Variants in ANO1 observed in about 807,000 individuals in gnomAD.
ANO1 encodes anoctamin 1.
ANO1 carries 59 observed loss-of-function variants against 124.0 expected under a neutral mutation model. The observed-to-expected ratio is 0.48, with a 90% CI of 0.39 to 0.59. The LOEUF (loss-of-function observed/expected upper bound fraction) is 0.59, where lower values mean the gene tolerates loss of function less well. Among genes scored for constraint, ANO1 ranks in the 20% least tolerant of loss-of-function variants. The pLI, the probability that ANO1 is intolerant of heterozygous loss-of-function variation, is 0.00. For missense variants in ANO1, 1,059 were observed against 1,328.0 expected (o/e 0.80, Z 3.15); for synonymous variants, 529 against 532.0 (o/e 0.99, Z 0.08).
chr11:70,047,800 A>G (rs2135072851), intron 1 of ANO1, among the ~76,000 whole-genome samples: 1 of 152,336 alleles, frequency 6.6e-6, no homozygotes, highest in Non-Finnish European at 1.5e-5. Context: ...TGCCTTTTTT[A>G]CCTGAGACAG....
chr11:70,140,774 G>A (rs1387262308), intron 11 of ANO1, among the ~76,000 whole-genome samples: 7 of 152,198 alleles, frequency 4.6e-5, no homozygotes, highest in South Asian at 2.1e-4. Context: ...TCTCTAAAGC[G>A]AAATTAGGAA....
At chr11:70,076,887 T>C (rs548407471), upstream of ANO1, among the ~76,000 whole-genome samples, 2 of 152,254 alleles carry the variant, frequency 1.3e-5, no homozygotes, top group African/African-American at 4.8e-5. Context: ...ACATTAGTAG[T>C]GACAACAGTC....
upstream of ANO1, among the ~76,000 whole-genome samples, chr11:69,981,017 A>G (rs148127994): frequency 0.013 from 2,056 of 152,302 alleles, 25 homozygotes; most frequent in Non-Finnish European, 0.018. Context: ...ATGTCATTGC[A>G]CTCCAGCCTG....
intron 10 of ANO1, among the ~76,000 whole-genome samples, 191 bp downstream of exon 10, chr11:70,126,386 T>G (rs561590340): frequency 2.0e-5 from 3 of 152,358 alleles, no homozygotes; most frequent in African/African-American, 7.2e-5. Context: ...GGAGTCCTTC[T>G]CAGGCCCATC....
At chr11:70,177,668 C>G (rs1215403465) in intron 22 of ANO1, among the ~76,000 whole-genome samples, 1 of 133,638 alleles carries the variant, frequency 7.5e-6, no homozygotes, top group Non-Finnish European at 1.5e-5. Context: ...GGCGCGATCT[C>G]GGCTCACTGC....
Position 70,185,614 on chromosome 11 carries a change from G to A in ANO1, c.2613G>A (p.Pro871=), listed in dbSNP as rs752920987. 3.1e-5 allele frequency: 50 copies of A among 1,613,852 alleles called. No homozygotes were observed. The East Asian group carries it at 6.7e-4, about 22-fold the overall frequency. The part of the protein sequence containing the change: ...ICRYKDYREP[P]WSENKYDISK... Reference sequence around the variant, plus strand: ...GGTATAAAGACTACCGAGAGCCGCCGTGGTCGGAAAACAAGTACGACATCT... The same window carrying A: ...GGTATAAAGACTACCGAGAGCCGCCATGGTCGGAAAACAAGTACGACATCT... Residue 871 remains proline (P), a synonymous_variant, in exon 25 of 26, where the codon CCG becomes CCA. Coordinates refer to ENST00000355303, the MANE Select transcript of ANO1 (RefSeq NM_018043.7).
At chr11:70,054,757 G>A (rs1337418940) in intron 1 of ANO1, among the ~76,000 whole-genome samples, 5 of 152,060 alleles carry the variant, frequency 3.3e-5, no homozygotes, top group Admixed American at 3.3e-4. Flanking sequence ...TAAATTGTTG[G>A]TTTCTGTTCT....
chr11:70,177,594 C>CCT (rs2048760267), intron 22 of ANO1, among the ~76,000 whole-genome samples: 1 of 78,930 alleles, frequency 1.3e-5, no homozygotes, highest in East Asian at 4.1e-4. Flanking sequence ...TTTTTTTTTT[C>CCT]TTTTTTTTTT....
At chr11:70,096,491 C>T (rs919246892) in intron 2 of ANO1, among the ~76,000 whole-genome samples, 1 of 152,190 alleles carries the variant, frequency 6.6e-6, no homozygotes, top group Non-Finnish European at 1.5e-5. Flanking sequence ...GGAGCCCAAA[C>T]CCTGTTATGA....
At chr11:70,031,755 C>G (rs1555003834) in intron 1 of ANO1, among the ~76,000 whole-genome samples, 1 of 152,188 alleles carries the variant, frequency 6.6e-6, no homozygotes, top group African/African-American at 2.4e-5. Flanking sequence ...GACCGGGCAC[C>G]AGGGCACACC....
chr11:70,129,464 A>G (rs2509167), intron 10 of ANO1: 63,628 of 152,010 alleles, frequency 0.42, 14,404 homozygotes, highest in East Asian at 0.52. Context: ...CGTAGAGTGC[A>G]GGTTCTCCCA....
chr11:70,000,868 G>A (rs528737484), intron 1 of ANO1, among the ~76,000 whole-genome samples: 1 of 151,864 alleles, frequency 6.6e-6, no homozygotes, highest in Admixed American at 6.6e-5. Context: ...CAACCGCAGT[G>A]ACTCTCACAA....
intron 25 of ANO1, 52 bp from the exon 26 acceptor site, chr11:70,187,686 C>T: frequency 9.6e-6 from 15 of 1,556,286 alleles, no homozygotes; most frequent in Non-Finnish European, 1.1e-5. Flanking sequence ...AGGTCAGGAG[C>T]ACTTCCCCAG....
chr11:70,104,087 C>T lies in ANO1; in HGVS notation c.629C>T (p.Ala210Val). The change falls in exon 4 of 26, where the codon GCT becomes GTT. Residue 210 changes from alanine to valine, a missense_variant. Ala to Val is a moderately conservative substitution (Grantham distance 64, BLOSUM62 0). This residue lies in a region of ANO1 where 809 missense variants were observed against 1,094.9 expected (regional missense o/e 0.74). Coordinates refer to ENST00000355303, the MANE Select transcript of ANO1 (RefSeq NM_018043.7). Reference sequence around the variant, plus strand: ...ACAGATCCCATCCAGCCCAAAGTGGCTGAGCACAGGCCCCAGACCATGAAG... The same window carrying T: ...ACAGATCCCATCCAGCCCAAAGTGGTTGAGCACAGGCCCCAGACCATGAAG... ...KITDPIQPKV[A>V]EHRPQTMKRL... 1 of 1,613,066 alleles carries T rather than the reference C, an allele frequency of 6.2e-7. No individual in the cohort carries two copies. Among genetic ancestry groups the T allele is most frequent in the African/African-American group, 1.3e-5 (1 of 75,052 alleles).
At chr11:70,170,766 G>A (rs2048431654) in intron 21 of ANO1, 121 bp from the exon 22 acceptor site, 10 of 1,267,822 alleles carry the variant, frequency 7.9e-6, no homozygotes, top group Non-Finnish European at 1.1e-5. Flanking sequence ...GTCCATGCAG[G>A]TGGGCTCGTT....
chr11:70,112,553 C>CTTTT (rs11357130), intron 7 of ANO1, among the ~76,000 whole-genome samples: 1 of 136,834 alleles, frequency 7.3e-6, no homozygotes, highest in Non-Finnish European at 1.6e-5. Context: ...CTTTTCTTTT[C>CTTTT]TTTTTTTTTT....
chr11:70,001,205 C>T (rs1441061304), intron 1 of ANO1, among the ~76,000 whole-genome samples: 1 of 152,222 alleles, frequency 6.6e-6, no homozygotes, highest in Non-Finnish European at 1.5e-5. Context: ...GTCTGAGAAA[C>T]CCCAGCTTGC....
chr11:69,990,253 A>C (rs1301731851), intron 1 of ANO1, among the ~76,000 whole-genome samples: 1 of 152,072 alleles, frequency 6.6e-6, no homozygotes, highest in Non-Finnish European at 1.5e-5. Flanking sequence ...ATCACAAAAT[A>C]TTTGTCCTTT....
rs913990292 is a variant in ANO1, at chr11:70,111,860, C to T, written c.855+98C>T. 3.2e-6 allele frequency: 4 copies of T among 1,236,958 alleles called. No individual in the cohort carries two copies. In the African/African-American group the frequency reaches 5.9e-5, roughly 18 times the overall value. 76.6% of individuals were successfully genotyped at this position (1,236,958 alleles called of 1,614,324 possible). A position where few individuals can be genotyped will look rare whatever the true frequency, so the allele number is the denominator to read the frequency against. ...GGGAGCTGCAATTATCCTGTGGTCA[C>T]AGCTTCCTGCTTGGCTCTCGCTGTA... On this transcript the variant is annotated intron_variant, in intron 7 of 25. Transcript: ENST00000355303.
Sources: allele counts gnomAD v4.1 joint callset (sites outside exome capture counted in the v4.1 genomes callset), GRCh38; gene constraint gnomAD v4.1.1; regional missense constraint gnomAD v4.1.1; transcripts MANE v1.5; gene names NCBI Gene and HGNC (gene_info 2026-07-23, HGNC 2026-07-21).